Variants in CTNNA2 observed in about 807,000 individuals in gnomAD.
The protein encoded by CTNNA2 is catenin alpha 2.
In CTNNA2, 42 loss-of-function variants were observed where a neutral mutation model predicts 101.0. That is an observed-to-expected ratio of 0.42 (90% confidence interval 0.32 to 0.54). CTNNA2 has a LOEUF of 0.54. Among genes scored for constraint, CTNNA2 ranks in the 20% least tolerant of loss-of-function variants. The pLI is 0.14. For synonymous variants in CTNNA2, 450 were observed against 456.4 expected (o/e 0.99, Z 0.18); for missense variants, 871 against 1,223.1 (o/e 0.71, Z 4.29).
chr2:80,022,295 A>G (rs1203531253), intron 7 of CTNNA2, among the ~76,000 whole-genome samples: 2 of 152,240 alleles, frequency 1.3e-5, no homozygotes, highest in Non-Finnish European at 2.9e-5. Context: ...TAAAACAGAT[A>G]TGATTCTTTC....
At chr2:79,551,213 C>T (rs1234481756) in intron 1 of CTNNA2, among the ~76,000 whole-genome samples, 1 of 152,096 alleles carries the variant, frequency 6.6e-6, no homozygotes, top group Non-Finnish European at 1.5e-5. Flanking sequence ...AACAAAACCT[C>T]AGGAGCATCT....
At chr2:79,928,169 C>T (rs1687155014) in intron 7 of CTNNA2, among the ~76,000 whole-genome samples, 1 of 152,064 alleles carries the variant, frequency 6.6e-6, no homozygotes, top group African/African-American at 2.4e-5. Context: ...CCTCAGGATA[C>T]ACCCCTTAAG....
chr2:80,614,304 T>G (rs1265813756), intron 17 of CTNNA2, among the ~76,000 whole-genome samples: 1 of 151,382 alleles, frequency 6.6e-6, no homozygotes, highest in East Asian at 1.9e-4. Flanking sequence ...AAAGTAACAA[T>G]ACAGCAATAA....
intron 6 of CTNNA2, among the ~76,000 whole-genome samples, chr2:79,895,647 A>G (rs1684653206): frequency 6.6e-6 from 1 of 151,460 alleles, no homozygotes; most frequent in African/African-American, 2.4e-5. Context: ...TCATCCAGTT[A>G]CTAATTATTT....
intron 6 of CTNNA2, among the ~76,000 whole-genome samples, chr2:79,901,023 A>G (rs1574267458): frequency 6.6e-6 from 1 of 152,194 alleles, no homozygotes; most frequent in Non-Finnish European, 1.5e-5. Flanking sequence ...AAAAGACAGA[A>G]AGTGAAGACA....
At chr2:80,223,101 C>G (rs1573438293) in intron 7 of CTNNA2, among the ~76,000 whole-genome samples, 2 of 152,180 alleles carry the variant, frequency 1.3e-5, no homozygotes, top group Admixed American at 1.3e-4. Context: ...ATATTATTAT[C>G]TGTTTATTGA....
At chr2:79,869,016 A>G (rs144640870) in intron 4 of CTNNA2, among the ~76,000 whole-genome samples, 173 of 152,316 alleles carry the variant, frequency 1.1e-3, no homozygotes, top group African/African-American at 3.9e-3. Flanking sequence ...GGAAATTTTC[A>G]TACCATATTG....
chr2:80,302,763 C>G lies in CTNNA2; in HGVS notation c.1057-90448C>G, dbSNP rs975392735. ...TGGAAGGCGTACACGGCGTCCAGGA[C>G]GTCCTCGCCCTGTGCGTACTCCGGG... On this transcript the variant is annotated intron_variant, in intron 7 of 18. Transcript: ENST00000402739. The surrounding 1 kb of genome is among the most constrained non-coding windows in gnomAD (Gnocchi z 6.4). 1 of 1,613,118 alleles carries G rather than the reference C, an allele frequency of 6.2e-7. No homozygotes were observed. The highest frequency in any genetic ancestry group is 2.2e-5 in the East Asian group (1 of 44,844).
chr2:79,700,682 T>C (rs1684945702), intron 2 of CTNNA2, among the ~76,000 whole-genome samples: 1 of 152,184 alleles, frequency 6.6e-6, no homozygotes, highest in Non-Finnish European at 1.5e-5. Flanking sequence ...TTGTCACGGC[T>C]CTTGTTTATT....
At chr2:79,809,483 T>A (rs1676838144) in intron 3 of CTNNA2, among the ~76,000 whole-genome samples, 1 of 152,216 alleles carries the variant, frequency 6.6e-6, no homozygotes, top group African/African-American at 2.4e-5. Context: ...ATTGCCACTG[T>A]AACTGGCATG....
intron 3 of CTNNA2, among the ~76,000 whole-genome samples, chr2:79,837,107 A>G (rs1169181865): frequency 6.6e-6 from 1 of 152,218 alleles, no homozygotes; most frequent in African/African-American, 2.4e-5. Flanking sequence ...CTAGAGGGAC[A>G]GAACTAATGG....
intron 1 of CTNNA2, among the ~76,000 whole-genome samples, chr2:79,563,331 T>C (rs1256150267): frequency 6.6e-6 from 1 of 152,054 alleles, no homozygotes; most frequent in Non-Finnish European, 1.5e-5. Flanking sequence ...CACCAAGCTC[T>C]AGGTAATAAC....
At chr2:79,801,635 A>G (rs541551632) in intron 3 of CTNNA2, among the ~76,000 whole-genome samples, 1 of 152,288 alleles carries the variant, frequency 6.6e-6, no homozygotes, top group African/African-American at 2.4e-5. Flanking sequence ...TGAATACAAA[A>G]TTAGAGTGGA....
intron 3 of CTNNA2, among the ~76,000 whole-genome samples, chr2:79,773,749 G>A (rs1352555425): frequency 6.6e-6 from 1 of 152,058 alleles, no homozygotes; most frequent in African/African-American, 2.4e-5. Context: ...AACAAACATA[G>A]TGAGTCTTTC....
At chr2:79,347,904 A>T (rs1273986470) in intron 3 of CTNNA2, among the ~76,000 whole-genome samples, 3 of 150,934 alleles carry the variant, frequency 2.0e-5, no homozygotes, top group African/African-American at 7.3e-5. Context: ...ATACCCCTTT[A>T]TCAGGTATAA....
At chr2:80,156,224 A>G (rs936268798) in intron 7 of CTNNA2, among the ~76,000 whole-genome samples, 1 of 152,184 alleles carries the variant, frequency 6.6e-6, no homozygotes, top group Non-Finnish European at 1.5e-5. Flanking sequence ...AATCTAGCCA[A>G]TCATTTGAAA....
chr2:79,514,559 A>G (rs974071578), intron 1 of CTNNA2: 1 of 152,210 alleles, frequency 6.6e-6, no homozygotes, highest in Non-Finnish European at 1.5e-5. Context: ...CTAACCCCTT[A>G]CATTATACAT....
chr2:80,035,601 T>C lies in CTNNA2; in HGVS notation c.1056+125804T>C, dbSNP rs753765551. On this transcript the variant is annotated intron_variant, in intron 7 of 18. Coordinates refer to ENST00000402739, the MANE Select transcript of CTNNA2 (RefSeq NM_001282597.3). ...CATGAAGTCCCAGAGTGCCTGAGGA[T>C]TGAAAGGGGACAGCATCACAGCTCT... is the stretch of plus-strand genomic sequence containing the variant. 5.3e-5 allele frequency among the ~76,000 whole-genome samples: 8 copies of C among 152,100 alleles called. 1 individual carries two copies. Among genetic ancestry groups the C allele is most frequent in the African/African-American group, 2.4e-5 (1 of 41,398 alleles).
intron 17 of CTNNA2, chr2:80,612,969 T>C (rs1361112178): frequency 6.6e-6 from 1 of 151,480 alleles, no homozygotes; most frequent in African/African-American, 2.4e-5. Context: ...CCTTCCCTTA[T>C]GTAGGAAAAG....
Sources: allele counts gnomAD v4.1 joint callset (sites outside exome capture counted in the v4.1 genomes callset), GRCh38; gene constraint gnomAD v4.1.1; non-coding constraint Gnocchi (gnomAD v3.1); transcripts MANE v1.5; gene names NCBI Gene and HGNC (gene_info 2026-07-23, HGNC 2026-07-21).